The following DOCK3 variants were observed in gnomAD, a reference collection of about 807,000 sequenced individuals.
DOCK3 encodes dedicator of cytokinesis 3.
In DOCK3, 60 loss-of-function variants were observed where a neutral mutation model predicts 265.6. The observed-to-expected ratio is 0.23, with a 90% CI of 0.18 to 0.28. The LOEUF (loss-of-function observed/expected upper bound fraction) is 0.28. Ranked by LOEUF, DOCK3 falls within the 10% of genes least tolerant of loss-of-function variation. The probability of loss-of-function intolerance (pLI) is 1.00; values close to 1 mark genes in which losing one functional copy is unlikely to be tolerated. For synonymous variants in DOCK3, 881 were observed against 938.0 expected, an observed-to-expected ratio of 0.94 and a Z score of 1.11; for missense variants, 1,981 against 2,594.3, an observed-to-expected ratio of 0.76 and a Z score of 5.14.
chr3:50,925,979 C>G (rs924408200), intron 4 of DOCK3, among the ~76,000 whole-genome samples: 1 of 151,692 alleles, frequency 6.6e-6, no homozygotes, highest in African/African-American at 2.4e-5. Flanking sequence ...TTACAAGGCA[C>G]GCACCACCAA....
At chr3:51,282,513 T>A (rs2081178535) in intron 27 of DOCK3, among the ~76,000 whole-genome samples, 1 of 150,916 alleles carries the variant, frequency 6.6e-6, no homozygotes, top group Admixed American at 6.6e-5. Flanking sequence ...CTTATACGGG[T>A]GTGGTGGTGC....
At chr3:51,233,350 C>CTATT (rs1197562744) in intron 19 of DOCK3, among the ~76,000 whole-genome samples, 137 of 24,188 alleles carry the variant, frequency 5.7e-3, no homozygotes, top group South Asian at 0.013. Context: ...ATCTATCTAT[C>CTATT]TATCTATCTA....
intron 5 of DOCK3, among the ~76,000 whole-genome samples, chr3:50,974,520 G>C (rs1313286797): frequency 0.016 from 2,412 of 150,490 alleles, 66 homozygotes; most frequent in African/African-American, 0.057. Flanking sequence ...GGTACCAGTA[G>C]CATGCTGTTT....
At chr3:50,684,259 A>G (rs1376296407) in intron 1 of DOCK3, among the ~76,000 whole-genome samples, 1 of 152,130 alleles carries the variant, frequency 6.6e-6, no homozygotes, top group Non-Finnish European at 1.5e-5. Flanking sequence ...TCTCTGCCTC[A>G]GGGACTGAGT....
chr3:51,120,369 C>T (rs570327011), intron 9 of DOCK3, among the ~76,000 whole-genome samples: 1 of 152,244 alleles, frequency 6.6e-6, no homozygotes, highest in South Asian at 2.1e-4. Context: ...CATTGGGTGC[C>T]AGCCAGAGCT....
chr3:50,907,710 G>T (rs898951851), intron 4 of DOCK3, among the ~76,000 whole-genome samples: 3 of 151,990 alleles, frequency 2.0e-5, no homozygotes, highest in Admixed American at 6.6e-5. Flanking sequence ...TATCCAATTT[G>T]CCAGTCTGTG....
intron 32 of DOCK3, among the ~76,000 whole-genome samples, chr3:51,328,741 C>T (rs1252513937): frequency 6.6e-6 from 1 of 152,100 alleles, no homozygotes; most frequent in Non-Finnish European, 1.5e-5. Flanking sequence ...CCTTAGGATT[C>T]TTTGCTCTCT....
At chr3:51,142,075 A>G (rs752192250) in intron 9 of DOCK3, among the ~76,000 whole-genome samples, 1 of 150,878 alleles carries the variant, frequency 6.6e-6, no homozygotes, top group Non-Finnish European at 1.5e-5. Context: ...ATCTACACCT[A>G]TTGTTTCCTT....
intron 5 of DOCK3, among the ~76,000 whole-genome samples, chr3:50,951,735 T>G (rs550278611): frequency 6.6e-6 from 1 of 152,254 alleles, no homozygotes; most frequent in African/African-American, 2.4e-5. Flanking sequence ...GTTATCCTGG[T>G]TTAAAACAAT....
chr3:50,957,577 C>G (rs532618791), intron 5 of DOCK3, among the ~76,000 whole-genome samples: 31 of 152,306 alleles, frequency 2.0e-4, no homozygotes, highest in African/African-American at 7.2e-4. Context: ...ATTCTGTGCA[C>G]TTACATAACA....
intron 5 of DOCK3, among the ~76,000 whole-genome samples, chr3:51,057,920 T>A (rs986737857): frequency 6.6e-6 from 1 of 152,222 alleles, no homozygotes; most frequent in African/African-American, 2.4e-5. Flanking sequence ...TTGAAAAAAA[T>A]TGTGTAATTG....
chr3:50,970,979 T>TATA (rs56109049), intron 5 of DOCK3, among the ~76,000 whole-genome samples: 3,115 of 70,540 alleles, frequency 0.044, 411 homozygotes, highest in Non-Finnish European at 0.061. Flanking sequence ...TATATATATA[T>TATA]TTTTTTTATT....
chr3:50,871,097 G>A (rs1043058930), intron 3 of DOCK3, among the ~76,000 whole-genome samples: 6 of 151,944 alleles, frequency 3.9e-5, no homozygotes, highest in East Asian at 1.9e-4. Context: ...TAGTATTACC[G>A]ATGAGTTTCG....
At chr3:51,223,040 G>A (rs2090172581) in intron 14 of DOCK3, among the ~76,000 whole-genome samples, 1 of 152,154 alleles carries the variant, frequency 6.6e-6, no homozygotes, top group African/African-American at 2.4e-5. Flanking sequence ...CGGGGCTCAA[G>A]CGATCCTCCC....
At position 51,361,947 on chromosome 3, in the gene DOCK3, G is replaced by T. The variant is rs202038306; in HGVS notation, c.5095G>T (p.Gly1699Cys). The T allele has an allele frequency of 2.3e-4, 369 of 1,612,218 alleles. No homozygotes were observed. The highest frequency in any genetic ancestry group is 2.5e-4 in the Non-Finnish European group (291 of 1,179,224). Residue 1699 changes from glycine (G) to cysteine (C), a missense_variant, in exon 48 of 53, where the codon GGT becomes TGT. Around this residue, in one of 4 missense-constraint regions of DOCK3, gnomAD observed 1,357 missense variants for 1,866.8 expected, o/e 0.73. Coordinates refer to ENST00000266037, the MANE Select transcript of DOCK3 (RefSeq NM_004947.5). The surrounding 1 kb of genome is among the most constrained non-coding windows in gnomAD (Gnocchi z 4.2). ...TGAAGCAGGAAACATGGTGATGCTG[G>T]GTGACGGCTCCATGGGTGATGCTCC... ...SSEAGNMVML[G>C]DGSMGDAPED...
chr3:51,218,916 C>G (rs1357103353), intron 14 of DOCK3, among the ~76,000 whole-genome samples: 1 of 152,174 alleles, frequency 6.6e-6, no homozygotes, highest in East Asian at 1.9e-4. Flanking sequence ...CTCTCACAAG[C>G]TCTCAAGTGA....
At chr3:50,943,860 C>T (rs947153659) in intron 5 of DOCK3, among the ~76,000 whole-genome samples, 5 of 152,082 alleles carry the variant, frequency 3.3e-5, no homozygotes, top group African/African-American at 1.2e-4. Context: ...GGTCTATCCA[C>T]TTCTATGATA....
chr3:50,680,068 A>G (rs2034276070), intron 1 of DOCK3, among the ~76,000 whole-genome samples: 1 of 152,176 alleles, frequency 6.6e-6, no homozygotes. Context: ...AGATTGTATT[A>G]TTACACCGTG....
At position 51,225,696 on chromosome 3, in the gene DOCK3, G is replaced by A. The variant is rs2090299641; in HGVS notation, c.1300G>A (p.Glu434Lys). The A allele has an allele frequency of 1.2e-6, 2 of 1,613,790 alleles. No individual in the cohort carries two copies. Among genetic ancestry groups the A allele is most frequent in the African/African-American group, 1.3e-5 (1 of 75,040 alleles). ...CCTAACCCTGGAGAAGGGGGATTTC[G>A]AGAGAGGAGGAAAGAGTGTACAAAA... ...LYLTLEKGDF[E>K]RGGKSVQKNI... Residue 434 changes from glutamate (E) to lysine (K), a missense_variant, in exon 15 of 53, where the codon GAG becomes AAG. Coordinates refer to ENST00000266037, the MANE Select transcript of DOCK3 (RefSeq NM_004947.5).
Sources: allele counts gnomAD v4.1 joint callset (sites outside exome capture counted in the v4.1 genomes callset), GRCh38; gene constraint gnomAD v4.1.1; regional missense constraint gnomAD v4.1.1; non-coding constraint Gnocchi (gnomAD v3.1); transcripts MANE v1.5; gene names NCBI Gene and HGNC (gene_info 2026-07-23, HGNC 2026-07-21).